NELL1: variants seen among roughly 807,000 people sequenced by gnomAD.
NELL1 encodes protein kinase C-binding protein NELL1.
A neutral mutation model predicts 107.4 loss-of-function variants in NELL1; 76 were observed. The observed-to-expected ratio is 0.71, with a 90% CI of 0.59 to 0.86. The LOEUF is 0.86. Among genes scored for constraint, NELL1 ranks in the 40% least tolerant of loss-of-function variants. NELL1 has a pLI of 0.00. For synonymous variants in NELL1, 353 were observed against 341.2 expected (o/e 1.03, Z -0.38); for missense variants, 1,024 against 1,005.5 (o/e 1.02, Z -0.25).
intron 1 of NELL1, among the ~76,000 whole-genome samples, chr11:20,676,900 A>G (rs1231954709): frequency 2.6e-5 from 4 of 151,670 alleles, no homozygotes; most frequent in Non-Finnish European, 5.9e-5. Context: ...ATGTGTAGAT[A>G]GACACAGCCT....
intron 15 of NELL1, among the ~76,000 whole-genome samples, chr11:21,523,332 T>C (rs80015582): frequency 6.6e-6 from 1 of 152,196 alleles, no homozygotes; most frequent in South Asian, 2.1e-4. Context: ...CCTTTAAGTG[T>C]TTAATAAATA....
At chr11:20,784,424 G>A (rs1204797563) in intron 3 of NELL1, among the ~76,000 whole-genome samples, 2 of 152,198 alleles carry the variant, frequency 1.3e-5, no homozygotes, top group Non-Finnish European at 1.5e-5. Context: ...GAAGGAGTAA[G>A]GGATGGAAGA....
At chr11:20,870,315 T>C (rs1849172817) in intron 4 of NELL1, among the ~76,000 whole-genome samples, 1 of 152,228 alleles carries the variant, frequency 6.6e-6, no homozygotes, top group African/African-American at 2.4e-5. Context: ...CTCACTACTA[T>C]GCAGTTTTTT....
rs1312157878 is a variant in NELL1 at position 21,370,892 on chromosome 11, T to G, written c.1589T>G (p.Val530Gly). ...GGCTGCAGATACGGTGGAACGTGTG[T>G]GGCTCCCAACAAATGTGTCTGTCCA... Reference protein sequence around the residue: ...EEGCRYGGTCVAPNKCVCPSG... With the variant: ...EEGCRYGGTCGAPNKCVCPSG... The change falls in exon 15 of 20, where the codon GTG becomes GGG. Residue 530 changes from valine to glycine, a missense_variant. By Grantham distance (109) the Val-to-Gly change is moderately radical (BLOSUM62 -3). Transcript: ENST00000357134. 1 of 1,611,812 alleles carries G rather than the reference T, an allele frequency of 6.2e-7. No homozygotes were observed. The highest frequency in any genetic ancestry group is 2.2e-5 in the East Asian group (1 of 44,756).
At chr11:21,189,643 A>C (rs1259463208) in intron 13 of NELL1, among the ~76,000 whole-genome samples, 5 of 149,676 alleles carry the variant, frequency 3.3e-5, no homozygotes, top group Non-Finnish European at 4.4e-5. Context: ...AGTGGGTGCC[A>C]GTTACCCTGA....
chr11:21,295,299 G>A (rs1322404726), intron 14 of NELL1, among the ~76,000 whole-genome samples: 3 of 151,912 alleles, frequency 2.0e-5, no homozygotes, highest in Non-Finnish European at 4.4e-5. Context: ...CAAAATGTTG[G>A]ATTAACTAGA....
chr11:21,382,219 C>T (rs1851631878), intron 15 of NELL1, among the ~76,000 whole-genome samples: 1 of 151,844 alleles, frequency 6.6e-6, no homozygotes, highest in South Asian at 2.1e-4. Flanking sequence ...CTCAGCTTTT[C>T]CATGTAAAAT....
chr11:21,372,251 A>G (rs1221359712), intron 15 of NELL1, among the ~76,000 whole-genome samples: 2 of 151,994 alleles, frequency 1.3e-5, no homozygotes, highest in African/African-American at 4.8e-5. Context: ...ACTGAACTAC[A>G]TTTAATTTTA....
intron 14 of NELL1, among the ~76,000 whole-genome samples, chr11:21,244,163 A>G (rs555336580): frequency 3.5e-4 from 53 of 152,300 alleles, no homozygotes; most frequent in African/African-American, 1.2e-3. Context: ...AAATTTTACT[A>G]AGATAAGAGA....
intron 2 of NELL1, among the ~76,000 whole-genome samples, chr11:20,776,404 CCAGCCTGGGCAA>C (rs942560111): frequency 7.9e-5 from 12 of 151,904 alleles, no homozygotes; most frequent in Non-Finnish European, 1.6e-4. Flanking sequence ...ACACCACGAT[CCAGCCTGGGCAA>C]CAGCCTGGGT....
chr11:21,004,052 G>T lies in NELL1; in HGVS notation c.1300+43492G>T, dbSNP rs533560665. ...GCCTGGGAAACTTTTATTCATCCAT[G>T]CATCACTAATGCCCTTTGATCCATC... On this transcript the variant is annotated intron_variant, in intron 12 of 19. Transcript: ENST00000357134. 1.3e-4 allele frequency among the ~76,000 whole-genome samples: 20 copies of T among 152,186 alleles called. No homozygotes were observed. In the South Asian group the frequency reaches 2.1e-3, roughly 16 times the overall value.
chr11:21,059,655 T>C (rs1853692122), intron 12 of NELL1, among the ~76,000 whole-genome samples: 1 of 152,182 alleles, frequency 6.6e-6, no homozygotes, highest in Non-Finnish European at 1.5e-5. Flanking sequence ...TATGACTTAA[T>C]TCCCCTACTC....
intron 15 of NELL1, among the ~76,000 whole-genome samples, chr11:21,398,700 C>T (rs1159262692): frequency 6.6e-6 from 1 of 151,698 alleles, no homozygotes; most frequent in Non-Finnish European, 1.5e-5. Context: ...CTGGCAGATG[C>T]TCAGTAAATG....
At chr11:21,089,674 A>G (rs1034906075) in intron 12 of NELL1, among the ~76,000 whole-genome samples, 1 of 152,236 alleles carries the variant, frequency 6.6e-6, no homozygotes, top group African/African-American at 2.4e-5. Context: ...AGTAAGTTTT[A>G]TAGAATTAAA....
intron 2 of NELL1, among the ~76,000 whole-genome samples, chr11:20,749,319 G>T (rs1457916089): frequency 6.6e-6 from 1 of 152,140 alleles, no homozygotes; most frequent in Non-Finnish European, 1.5e-5. Flanking sequence ...TAAGGTATAG[G>T]TTGTGTACTG....
chr11:21,207,550 C>T (rs1246212147), intron 13 of NELL1, among the ~76,000 whole-genome samples: 1 of 152,138 alleles, frequency 6.6e-6, no homozygotes, highest in Non-Finnish European at 1.5e-5. Context: ...TAGTCTCTGC[C>T]ATTTTTGGAG....
At chr11:21,040,336 T>C (rs1313828658) in intron 12 of NELL1, among the ~76,000 whole-genome samples, 1 of 152,206 alleles carries the variant, frequency 6.6e-6, no homozygotes, top group Non-Finnish European at 1.5e-5. Context: ...CATTTTTTCC[T>C]ATTATATGTA....
intron 14 of NELL1, among the ~76,000 whole-genome samples, chr11:21,351,665 T>C (rs1460499573): frequency 6.6e-6 from 1 of 152,140 alleles, no homozygotes; most frequent in East Asian, 1.9e-4. Flanking sequence ...CTGTAGTACA[T>C]AGATTATTGT....
intron 4 of NELL1, among the ~76,000 whole-genome samples, chr11:20,863,124 T>C (rs1849011440): frequency 1.3e-5 from 2 of 152,052 alleles, no homozygotes; most frequent in East Asian, 1.9e-4. Context: ...GTACACCTCC[T>C]AGATGGGGTG....
Sources: gnomAD v4.1 joint callset for allele counts (sites outside exome capture counted in the v4.1 genomes callset) on GRCh38, gnomAD v4.1.1 for gene constraint, MANE v1.5 for transcripts, NCBI Gene and HGNC (gene_info 2026-07-23, HGNC 2026-07-21) for gene names.